Variants in WWOX observed in about 807,000 individuals in gnomAD.
WWOX encodes the protein WW domain containing oxidoreductase.
WWOX carries 69 observed loss-of-function variants against 46.2 expected under a neutral mutation model. The observed-to-expected ratio is 1.49, with a 90% CI of 1.23 to 1.82. WWOX has a LOEUF of 1.82. Ranked by LOEUF, WWOX falls within the 40% of genes most tolerant of loss-of-function variation. WWOX has a pLI of 0.00. For missense variants in WWOX, 919 were observed against 542.6 expected, an observed-to-expected ratio of 1.69 and a Z score of -6.89; for synonymous variants, 359 against 202.6, an observed-to-expected ratio of 1.77 and a Z score of -6.56.
At chr16:78,519,193 G>T (rs970432829) in intron 8 of WWOX, among the ~76,000 whole-genome samples, 1 of 152,128 alleles carries the variant, frequency 6.6e-6, no homozygotes, top group South Asian at 2.1e-4. Flanking sequence ...CGAGGCTCTT[G>T]ATGTTACCTG....
chr16:78,834,208 G>T (rs974713469), intron 8 of WWOX, among the ~76,000 whole-genome samples: 3 of 152,174 alleles, frequency 2.0e-5, no homozygotes, highest in African/African-American at 7.2e-5. Flanking sequence ...TGCATTGTTT[G>T]TGCCGAACAG....
intron 8 of WWOX, among the ~76,000 whole-genome samples, chr16:78,536,187 G>T (rs943288892): frequency 3.9e-5 from 6 of 152,130 alleles, no homozygotes; most frequent in Non-Finnish European, 8.8e-5. Flanking sequence ...GAGTACACAT[G>T]CATGGGTGTA....
intron 8 of WWOX, among the ~76,000 whole-genome samples, chr16:79,018,870 G>T (rs555370848): frequency 6.3e-4 from 96 of 152,170 alleles, no homozygotes; most frequent in Non-Finnish European, 7.8e-4. Flanking sequence ...GAATGTTAGG[G>T]CTGGGCGTGG....
intron 5 of WWOX, among the ~76,000 whole-genome samples, chr16:78,384,297 G>A (rs2082016095): frequency 6.6e-6 from 1 of 152,124 alleles, no homozygotes; most frequent in Non-Finnish European, 1.5e-5. Context: ...CATGCTCCAA[G>A]TAAAACGAGG....
At chr16:78,505,379 C>G (rs531983763) in intron 8 of WWOX, among the ~76,000 whole-genome samples, 15 of 152,326 alleles carry the variant, frequency 9.8e-5, no homozygotes, top group African/African-American at 3.4e-4. Context: ...TTCGGGTCCA[C>G]CAGGCCCTCT....
chr16:78,964,165 C>G (rs371889753), intron 8 of WWOX, among the ~76,000 whole-genome samples: 213 of 152,266 alleles, frequency 1.4e-3, no homozygotes, highest in Middle Eastern at 0.01. Flanking sequence ...GAAAAGATAT[C>G]TGAAAATGTG....
chr16:78,451,090 C>T lies in WWOX; in HGVS notation c.1056+18338C>T, dbSNP rs938492201. 2.0e-5 allele frequency among the ~76,000 whole-genome samples: 3 copies of T among 152,150 alleles called. No individual in the cohort carries two copies. In the East Asian group the frequency reaches 5.8e-4, roughly 29 times the overall value. On this transcript the variant is annotated intron_variant, in intron 8 of 8. Transcript: ENST00000566780. ...GCTTGTTTATTGCATCTTCCGATGT[C>T]ACATTATCTCATTGCCAAGCTAAAG...
intron 8 of WWOX, among the ~76,000 whole-genome samples, chr16:78,854,212 G>C (rs1353305051): frequency 6.6e-6 from 1 of 151,934 alleles, no homozygotes; most frequent in Admixed American, 6.6e-5. Context: ...AACTACTCAG[G>C]TTGCTTATAA....
intron 8 of WWOX, among the ~76,000 whole-genome samples, chr16:78,609,654 C>T (rs555872976): frequency 7.4e-4 from 113 of 152,116 alleles, no homozygotes; most frequent in African/African-American, 2.6e-3. Flanking sequence ...TCTTAAAATG[C>T]AGCCTGTCTT....
At chr16:78,457,110 A>C (rs1381424471) in intron 8 of WWOX, among the ~76,000 whole-genome samples, 1 of 152,234 alleles carries the variant, frequency 6.6e-6, no homozygotes, top group Non-Finnish European at 1.5e-5. Context: ...GGCAGTGTTC[A>C]GACAGAATGG....
At chr16:78,450,293 A>G (rs1449949310) in intron 8 of WWOX, among the ~76,000 whole-genome samples, 1 of 152,194 alleles carries the variant, frequency 6.6e-6, no homozygotes, top group African/African-American at 2.4e-5. Flanking sequence ...AATCATTTAC[A>G]TTTTGAAAAA....
intron 8 of WWOX, among the ~76,000 whole-genome samples, chr16:78,790,029 G>C (rs888601302): frequency 1.6e-4 from 24 of 152,140 alleles, no homozygotes; most frequent in African/African-American, 5.8e-4. Context: ...CACTCAAGAG[G>C]ATTAAATATT....
At chr16:78,691,026 C>T (rs1210956926) in intron 8 of WWOX, among the ~76,000 whole-genome samples, 2 of 152,200 alleles carry the variant, frequency 1.3e-5, no homozygotes, top group Non-Finnish European at 2.9e-5. Context: ...ACTAAGCAGA[C>T]ATACTCGATA....
At chr16:78,248,848 A>G (rs929291706) in intron 5 of WWOX, among the ~76,000 whole-genome samples, 1 of 149,826 alleles carries the variant, frequency 6.7e-6, no homozygotes, top group Non-Finnish European at 1.5e-5. Flanking sequence ...CTGAGGAAGT[A>G]CTTATGCCCC....
At chr16:78,735,326 C>T (rs1232297087) in intron 8 of WWOX, among the ~76,000 whole-genome samples, 1 of 151,540 alleles carries the variant, frequency 6.6e-6, no homozygotes, top group African/African-American at 2.4e-5. Context: ...ATCTATCTAT[C>T]AATCCATTGG....
intron 8 of WWOX, among the ~76,000 whole-genome samples, chr16:78,719,398 A>G (rs907935097): frequency 1.3e-5 from 2 of 152,242 alleles, no homozygotes; most frequent in Admixed American, 6.5e-5. Context: ...AGAAGAAACA[A>G]TAATCAGAAG....
intron 8 of WWOX, among the ~76,000 whole-genome samples, chr16:78,571,075 G>A (rs2044704967): frequency 6.6e-6 from 1 of 152,132 alleles, no homozygotes; most frequent in East Asian, 1.9e-4. Flanking sequence ...GGGAAGTATT[G>A]CTCCTTTCTT....
chr16:78,320,844 G>A (rs2080452327), intron 5 of WWOX, among the ~76,000 whole-genome samples: 1 of 152,170 alleles, frequency 6.6e-6, no homozygotes, highest in East Asian at 1.9e-4. Flanking sequence ...CAGGATTTCT[G>A]TCTTTAATTG....
At chr16:79,179,706 G>A (rs1431337873) in intron 8 of WWOX, among the ~76,000 whole-genome samples, 1 of 152,116 alleles carries the variant, frequency 6.6e-6, no homozygotes, top group African/African-American at 2.4e-5. Context: ...TCTTTAGTTG[G>A]GTATGGCCAG....
Sources: allele counts gnomAD v4.1 joint callset (sites outside exome capture counted in the v4.1 genomes callset), GRCh38; gene constraint gnomAD v4.1.1; transcripts MANE v1.5; gene names NCBI Gene and HGNC (gene_info 2026-07-23, HGNC 2026-07-21).